Variants in JPH3 observed in about 807,000 individuals in gnomAD.
JPH3 encodes junctophilin 3, also known as junctophilin-3.
JPH3 carries 11 observed loss-of-function variants against 59.6 expected under a neutral mutation model. The ratio of observed to expected loss-of-function variants is 0.18; its 90% confidence interval spans 0.12 to 0.31. The LOEUF is 0.31. Among genes scored for constraint, JPH3 ranks in the 10% least tolerant of loss-of-function variants. The pLI, the probability that JPH3 is intolerant of heterozygous loss-of-function variation, is 1.00. For missense variants in JPH3, 1,202 were observed against 1,105.7 expected (o/e 1.09, Z -1.24); for synonymous variants, 673 against 483.6 (o/e 1.39, Z -5.14).
chr16:87,669,486 G>A (rs557167658), intron 2 of JPH3, among the ~76,000 whole-genome samples: 3 of 152,338 alleles, frequency 2.0e-5, no homozygotes, highest in South Asian at 2.1e-4. Context: ...CCTTGGACAC[G>A]TTGCCTGGCA....
intron 2 of JPH3, among the ~76,000 whole-genome samples, chr16:87,674,853 T>A (rs1018281611): frequency 4.6e-5 from 7 of 152,092 alleles, no homozygotes; most frequent in African/African-American, 1.7e-4. Context: ...CTCTGCCTCT[T>A]GGGTTCAAGC....
At chr16:87,622,746 C>T (rs1238511459) in intron 1 of JPH3, among the ~76,000 whole-genome samples, 2 of 151,964 alleles carry the variant, frequency 1.3e-5, no homozygotes, top group African/African-American at 4.8e-5. Flanking sequence ...AGACCCCCCC[C>T]CGCCCCACCC....
intron 1 of JPH3, among the ~76,000 whole-genome samples, chr16:87,615,797 A>G (rs1408180839): frequency 6.6e-6 from 1 of 152,164 alleles, no homozygotes; most frequent in Non-Finnish European, 1.5e-5. Flanking sequence ...CCTCCTCTGC[A>G]ATGAGGCATT....
At chr16:87,637,001 G>T (rs572102319) in intron 1 of JPH3, among the ~76,000 whole-genome samples, 7 of 152,336 alleles carry the variant, frequency 4.6e-5, no homozygotes, top group Non-Finnish European at 8.8e-5. Context: ...GCATGACGGG[G>T]GTCAGGCCTC....
intron 1 of JPH3, among the ~76,000 whole-genome samples, chr16:87,613,057 A>T (rs1268212691): frequency 6.6e-6 from 1 of 151,546 alleles, no homozygotes; most frequent in Non-Finnish European, 1.5e-5. Context: ...AGTAGACTAG[A>T]AATTTTCCAA....
chr16:87,688,193 C>G (rs992257620), intron 3 of JPH3, among the ~76,000 whole-genome samples: 2 of 152,088 alleles, frequency 1.3e-5, no homozygotes, highest in Non-Finnish European at 2.9e-5. Context: ...TCAGAGTGGC[C>G]CACCCACACC....
intron 2 of JPH3, among the ~76,000 whole-genome samples, chr16:87,680,393 A>G (rs919855031): frequency 2.0e-5 from 2 of 101,184 alleles, no homozygotes; most frequent in Admixed American, 1.8e-4. Flanking sequence ...AAGGAAGCGG[A>G]GCCCTGGTGG....
chr16:87,608,096 C>A (rs2030593291), intron 1 of JPH3, among the ~76,000 whole-genome samples: 1 of 152,204 alleles, frequency 6.6e-6, no homozygotes. Flanking sequence ...GACCGGCACC[C>A]GCCTACAGCA....
chr16:87,630,531 A>G (rs1474202013), intron 1 of JPH3, among the ~76,000 whole-genome samples: 2 of 152,206 alleles, frequency 1.3e-5, no homozygotes, highest in East Asian at 1.9e-4. Flanking sequence ...GTCCCCTCTG[A>G]GCCTTAGTTT....
intron 1 of JPH3, among the ~76,000 whole-genome samples, chr16:87,615,304 G>A (rs1426337799): frequency 6.6e-6 from 1 of 152,222 alleles, no homozygotes; most frequent in Non-Finnish European, 1.5e-5. Flanking sequence ...CTGGGCTGGA[G>A]TAGACCCAGG....
At chr16:87,669,578 T>G (rs886479602) in intron 2 of JPH3, among the ~76,000 whole-genome samples, 25 of 152,180 alleles carry the variant, frequency 1.6e-4, no homozygotes, top group African/African-American at 5.5e-4. Context: ...AGTGCAGACG[T>G]GGGTCAGTGG....
chr16:87,676,926 C>T (rs1567610520), intron 2 of JPH3, among the ~76,000 whole-genome samples: 1 of 151,570 alleles, frequency 6.6e-6, no homozygotes, highest in Admixed American at 6.6e-5. Flanking sequence ...AATCCCAGCA[C>T]TTGGGGAGGC....
intron 1 of JPH3, among the ~76,000 whole-genome samples, chr16:87,619,445 C>T (rs1275832439): frequency 6.6e-6 from 1 of 152,184 alleles, no homozygotes; most frequent in Admixed American, 6.5e-5. Flanking sequence ...CTGCCTGCTC[C>T]GTTGGAGGTT....
At chr16:87,668,869 C>A (rs1195658601) in intron 2 of JPH3, among the ~76,000 whole-genome samples, 1 of 152,142 alleles carries the variant, frequency 6.6e-6, no homozygotes, top group Admixed American at 6.5e-5. Context: ...ACAGCCCTAC[C>A]CCCAGCTCCC....
intron 2 of JPH3, among the ~76,000 whole-genome samples, chr16:87,677,225 C>CACACACACA (rs1271128667): frequency 8.6e-5 from 7 of 81,724 alleles, no homozygotes; most frequent in African/African-American, 2.6e-4. Context: ...CACACACACA[C>CACACACACA]AAAAAAAAAA....
upstream of JPH3, chr16:87,602,305 G>A (rs1168831904): frequency 2.7e-5 from 4 of 147,840 alleles, no homozygotes; most frequent in Non-Finnish European, 1.5e-5. Context: ...GGAAGCCCAG[G>A]GCGGGGAGCG....
chr16:87,647,011 G>A (rs2032175361), intron 2 of JPH3, among the ~76,000 whole-genome samples: 1 of 152,188 alleles, frequency 6.6e-6, no homozygotes, highest in South Asian at 2.1e-4. Context: ...CACAGGTGAG[G>A]AGCTGCTCCA....
chr16:87,691,129 G>T lies in JPH3; in HGVS notation c.2166+603G>T, dbSNP rs553141049. Among the ~76,000 whole-genome samples the T allele has an allele frequency of 2.8e-3, 433 of 152,230 alleles. 3 individuals carry two copies. The highest frequency in any genetic ancestry group is 5.4e-3 in the Non-Finnish European group (369 of 68,006). ...TTCCTCCAGGGCAGGCAGCTTGGAG[G>T]GAAGAACAGCGTCCCCCTGGGCTAG... On this transcript the variant is annotated intron_variant, in intron 4 of 4. Coordinates refer to ENST00000284262, the MANE Select transcript of JPH3 (RefSeq NM_020655.4).
chr16:87,619,722 G>A lies in JPH3; in HGVS notation c.382+16194G>A, dbSNP rs567843140. 9.8e-5 allele frequency among the ~76,000 whole-genome samples: 15 copies of A among 152,320 alleles called. No homozygotes were observed. The South Asian group carries it at 2.7e-3, about 27-fold the overall frequency. ...GCCACACAAGTATCTACTGAGCGCC[G>A]ACTGTGTGCTAGGCAACAAGCTGGC... On this transcript the variant is annotated intron_variant, in intron 1 of 4. Coordinates refer to ENST00000284262, the MANE Select transcript of JPH3 (RefSeq NM_020655.4).
Sources: gnomAD v4.1 joint callset for allele counts (sites outside exome capture counted in the v4.1 genomes callset) on GRCh38, gnomAD v4.1.1 for gene constraint, MANE v1.5 for transcripts, NCBI Gene and HGNC (gene_info 2026-07-23, HGNC 2026-07-21) for gene names.